DOCK3: variants seen among roughly 807,000 people sequenced by gnomAD.
DOCK3 encodes the protein dedicator of cytokinesis protein 3.
A neutral mutation model predicts 265.6 loss-of-function variants in DOCK3; 60 were observed. The observed-to-expected ratio is 0.23, with a 90% CI of 0.18 to 0.28. DOCK3 has a LOEUF of 0.28. Ranked by LOEUF, DOCK3 falls within the 10% of genes least tolerant of loss-of-function variation. The probability of loss-of-function intolerance (pLI) is 1.00; values close to 1 mark genes in which losing one functional copy is unlikely to be tolerated. For missense variants in DOCK3, 1,981 were observed against 2,594.3 expected (o/e 0.76, Z 5.14); for synonymous variants, 881 against 938.0 (o/e 0.94, Z 1.11).
chr3:50,688,089 G>T (rs1272912783), intron 1 of DOCK3, among the ~76,000 whole-genome samples: 1 of 152,172 alleles, frequency 6.6e-6, no homozygotes, highest in Non-Finnish European at 1.5e-5. Context: ...TTGAACTGCA[G>T]CCTCTCCTAA....
At chr3:51,014,154 G>A (rs763129367) in intron 5 of DOCK3, among the ~76,000 whole-genome samples, 4 of 152,200 alleles carry the variant, frequency 2.6e-5, no homozygotes, top group East Asian at 3.9e-4. Flanking sequence ...GCTTCAGCTC[G>A]CCCTCCGTCA....
intron 18 of DOCK3, among the ~76,000 whole-genome samples, chr3:51,229,181 T>A (rs2090446701): frequency 6.6e-6 from 1 of 152,182 alleles, no homozygotes; most frequent in African/African-American, 2.4e-5. Context: ...CCATGTGCGG[T>A]GGCTCATGCC....
intron 5 of DOCK3, among the ~76,000 whole-genome samples, chr3:51,037,386 T>C (rs1251523653): frequency 6.6e-6 from 1 of 152,186 alleles, no homozygotes; most frequent in African/African-American, 2.4e-5. Flanking sequence ...TGTGATATTT[T>C]GATTGTGGTC....
intron 1 of DOCK3, among the ~76,000 whole-genome samples, chr3:50,678,608 A>G (rs1156756150): frequency 6.6e-6 from 1 of 152,126 alleles, no homozygotes; most frequent in Non-Finnish European, 1.5e-5. Context: ...CTGCTTCAGA[A>G]GGTCATCTTG....
intron 1 of DOCK3, among the ~76,000 whole-genome samples, chr3:50,734,277 G>C (rs1576278451): frequency 6.6e-6 from 1 of 152,184 alleles, no homozygotes. Context: ...GGGAGGCTGA[G>C]GTTGGAGGAT....
At chr3:51,318,040 A>G (rs550482178) in intron 32 of DOCK3, among the ~76,000 whole-genome samples, 3 of 152,104 alleles carry the variant, frequency 2.0e-5, no homozygotes, top group Non-Finnish European at 4.4e-5. Flanking sequence ...GTCGATATCT[A>G]TAACATTCCT....
intron 4 of DOCK3, among the ~76,000 whole-genome samples, chr3:50,897,472 T>A (rs796504215): frequency 7.2e-5 from 11 of 152,322 alleles, no homozygotes; most frequent in African/African-American, 2.6e-4. Context: ...ATACCCTTTA[T>A]TTCTTTCTCT....
At chr3:51,253,629 T>G (rs2079384283) in intron 22 of DOCK3, among the ~76,000 whole-genome samples, 1 of 152,214 alleles carries the variant, frequency 6.6e-6, no homozygotes. Flanking sequence ...CCATTTCTTC[T>G]AGATTTTCTA....
chr3:50,908,297 G>C (rs935935395), intron 4 of DOCK3, among the ~76,000 whole-genome samples: 2 of 148,298 alleles, frequency 1.3e-5, no homozygotes, highest in Non-Finnish European at 3.0e-5. Context: ...TGATTCTACA[G>C]TTCTTTTAGT....
At chr3:50,757,872 CT>C (rs1431794546) in intron 1 of DOCK3, among the ~76,000 whole-genome samples, 3 of 151,958 alleles carry the variant, frequency 2.0e-5, no homozygotes, top group African/African-American at 7.2e-5. Context: ...GTCTTGGCAC[CT>C]TTATTGAAAA....
intron 13 of DOCK3, 23 bp from the exon 14 acceptor site, chr3:51,214,099 A>G (rs1270914340): frequency 6.2e-7 from 1 of 1,613,308 alleles, no homozygotes; most frequent in Non-Finnish European, 8.5e-7. Flanking sequence ...TGTGGTTCTA[A>G]GAAAATGCTT....
intron 14 of DOCK3, among the ~76,000 whole-genome samples, chr3:51,224,392 T>A (rs975368412): frequency 1.3e-5 from 2 of 152,208 alleles, no homozygotes; most frequent in South Asian, 4.1e-4. Context: ...TCCTGTTTCA[T>A]GCATGAGAGA....
In DOCK3 at chr3:51,341,357, A is replaced by G. The variant is rs201184598; in HGVS notation, c.3887A>G (p.Lys1296Arg). ...CAGCGGAAGGAGGGACTGTGCCGGA[A>G]GATCATTCACTACTTCAACAAAGGC... ...EWQRKEGLCRKIIHYFNKGKS... is the reference protein window; with the variant it reads ...EWQRKEGLCRRIIHYFNKGKS... Residue 1296 changes from lysine (K) to arginine (R), a missense_variant, in exon 38 of 53, where the codon AAG becomes AGG. By Grantham distance (26) the Lys-to-Arg change is conservative. This residue lies in a region of DOCK3 where 1,357 missense variants were observed against 1,866.8 expected (regional missense o/e 0.73). Transcript: ENST00000266037. 1,010 of 1,613,762 alleles carry G rather than the reference A, an allele frequency of 6.3e-4. No homozygotes were observed. The highest frequency in any genetic ancestry group is 8.3e-4 in the Non-Finnish European group (977 of 1,179,854).
intron 9 of DOCK3, among the ~76,000 whole-genome samples, chr3:51,137,033 A>T (rs1363477804): frequency 1.3e-5 from 2 of 149,272 alleles, no homozygotes; most frequent in African/African-American, 4.9e-5. Flanking sequence ...TAATAATAAT[A>T]AATTAATTAA....
intron 5 of DOCK3, among the ~76,000 whole-genome samples, chr3:51,050,301 C>T (rs1051039906): frequency 6.6e-6 from 1 of 152,090 alleles, no homozygotes; most frequent in African/African-American, 2.4e-5. Context: ...GTGGGAGGAT[C>T]ACTTGACCTT....
intron 4 of DOCK3, among the ~76,000 whole-genome samples, chr3:50,894,280 C>A (rs1559779896): frequency 2.6e-5 from 4 of 151,916 alleles, no homozygotes; most frequent in Admixed American, 2.0e-4. Context: ...ATTTCTCCGC[C>A]AAAACCTTGT....
At chr3:51,304,545 T>C (rs1008572368) in intron 27 of DOCK3, among the ~76,000 whole-genome samples, 2 of 152,106 alleles carry the variant, frequency 1.3e-5, no homozygotes, top group Non-Finnish European at 2.9e-5. Flanking sequence ...TCCAGCTGAG[T>C]GGCCGCTGAG....
chr3:50,893,043 G>T (rs1309776770), intron 4 of DOCK3, among the ~76,000 whole-genome samples: 1 of 152,092 alleles, frequency 6.6e-6, no homozygotes, highest in Non-Finnish European at 1.5e-5. Flanking sequence ...CTGGATGGAG[G>T]AATGAAGTGC....
At chr3:50,788,103 A>C in intron 2 of DOCK3, 1 of 757,044 alleles carries the variant, frequency 1.3e-6, no homozygotes, top group Non-Finnish European at 2.1e-6. Flanking sequence ...GTGTCCACAA[A>C]CACAGAATAA....
Sources: gnomAD v4.1 joint callset for allele counts (sites outside exome capture counted in the v4.1 genomes callset) on GRCh38, gnomAD v4.1.1 for gene constraint, gnomAD v4.1.1 regional missense constraint, MANE v1.5 for transcripts, NCBI Gene and HGNC (gene_info 2026-07-23, HGNC 2026-07-21) for gene names.